The following DAB1 variants were observed in gnomAD, a reference collection of about 807,000 sequenced individuals.
The protein encoded by DAB1 is DAB adaptor protein 1.
In DAB1, 15 loss-of-function variants were observed where a neutral mutation model predicts 64.6. The ratio of observed to expected loss-of-function variants is 0.23; its 90% confidence interval spans 0.16 to 0.36. The LOEUF (loss-of-function observed/expected upper bound fraction) is 0.36, where lower values mean the gene tolerates loss of function less well. DAB1 is among the 10% of genes least tolerant of loss of function. The pLI is 1.00. For missense variants in DAB1, 596 were observed against 706.7 expected (o/e 0.84, Z 1.78); for synonymous variants, 235 against 251.9 (o/e 0.93, Z 0.64).
At chr1:57,672,452 A>G (rs1187627135) in intron 6 of DAB1, among the ~76,000 whole-genome samples, 1 of 152,138 alleles carries the variant, frequency 6.6e-6, no homozygotes, top group East Asian at 1.9e-4. Flanking sequence ...CCAAGACTAC[A>G]CAATTTAAAC....
chr1:57,437,349 A>G (rs1258857575), intron 7 of DAB1, among the ~76,000 whole-genome samples: 4 of 152,192 alleles, frequency 2.6e-5, no homozygotes, highest in African/African-American at 9.7e-5. Flanking sequence ...AAACCTCACA[A>G]GGGAAAAGTC....
intron 3 of DAB1, among the ~76,000 whole-genome samples, chr1:58,362,408 T>C (rs577714479): frequency 1.3e-5 from 2 of 152,312 alleles, no homozygotes; most frequent in South Asian, 2.1e-4. Context: ...CTGACCTACA[T>C]TGAGAGCAAA....
chr1:58,166,076 T>C (rs55633834), intron 4 of DAB1, among the ~76,000 whole-genome samples: 2,092 of 152,290 alleles, frequency 0.014, 16 homozygotes, highest in Middle Eastern at 0.024. Flanking sequence ...TGCCTCTCTG[T>C]ACTTAAAGAG....
chr1:58,160,642 T>C (rs1245180990), intron 4 of DAB1, among the ~76,000 whole-genome samples: 1 of 152,188 alleles, frequency 6.6e-6, no homozygotes, highest in East Asian at 1.9e-4. Flanking sequence ...ACAATCCAAG[T>C]ACAGCATTTG....
intron 3 of DAB1, among the ~76,000 whole-genome samples, chr1:58,372,965 A>T (rs1373926307): frequency 6.6e-6 from 1 of 152,132 alleles, no homozygotes; most frequent in Non-Finnish European, 1.5e-5. Flanking sequence ...GTGAAAATGG[A>T]CTAATATACA....
chr1:57,185,891 C>T (rs1273080504), intron 2 of DAB1, among the ~76,000 whole-genome samples: 1 of 152,124 alleles, frequency 6.6e-6, no homozygotes, highest in African/African-American at 2.4e-5. Flanking sequence ...AACTCCCTCC[C>T]CGAGTACGAG....
chr1:58,019,718 C>A (rs1472864633), intron 5 of DAB1, among the ~76,000 whole-genome samples: 1 of 152,124 alleles, frequency 6.6e-6, no homozygotes, highest in East Asian at 1.9e-4. Context: ...ATTTTTCTTA[C>A]TATATTACTT....
chr1:57,103,315 A>G (rs1052745655), intron 4 of DAB1, among the ~76,000 whole-genome samples: 1 of 152,168 alleles, frequency 6.6e-6, no homozygotes, highest in Non-Finnish European at 1.5e-5. Context: ...CTCAGGTGCC[A>G]ACACCGGACA....
chr1:58,034,037 G>A (rs568704256), intron 5 of DAB1, among the ~76,000 whole-genome samples: 1 of 152,172 alleles, frequency 6.6e-6, no homozygotes, highest in Non-Finnish European at 1.5e-5. Flanking sequence ...GCCTACCCTT[G>A]ATTGTAGTGA....
chr1:57,227,667 C>G (rs907826000), intron 2 of DAB1, among the ~76,000 whole-genome samples: 1 of 152,024 alleles, frequency 6.6e-6, no homozygotes, highest in African/African-American at 2.4e-5. Context: ...AGCGAGCCTT[C>G]CACTTCAGCG....
intron 7 of DAB1, among the ~76,000 whole-genome samples, chr1:57,571,827 G>A (rs1468959863): frequency 2.0e-5 from 3 of 152,188 alleles, no homozygotes; most frequent in Non-Finnish European, 2.9e-5. Flanking sequence ...CCCCAGGTCT[G>A]GTTACGGAGC....
intron 8 of DAB1, among the ~76,000 whole-genome samples, chr1:57,066,979 C>T (rs2100581725): frequency 6.6e-6 from 1 of 151,748 alleles, no homozygotes; most frequent in Non-Finnish European, 1.5e-5. Context: ...CACTGCAATT[C>T]AGGAGAAATA....
intron 5 of DAB1, among the ~76,000 whole-genome samples, chr1:58,114,494 A>G (rs1570368815): frequency 6.6e-6 from 1 of 152,202 alleles, no homozygotes; most frequent in African/African-American, 2.4e-5. Flanking sequence ...CATCCCTAAC[A>G]TGGAGATGGA....
At chr1:57,921,974 T>G (rs1309734689) in intron 5 of DAB1, among the ~76,000 whole-genome samples, 4 of 152,206 alleles carry the variant, frequency 2.6e-5, no homozygotes, top group Non-Finnish European at 5.9e-5. Flanking sequence ...TCGTATTCAC[T>G]CTTTCCTCAG....
At chr1:58,005,487 C>T (rs1322690195) in intron 5 of DAB1, among the ~76,000 whole-genome samples, 1 of 151,768 alleles carries the variant, frequency 6.6e-6, no homozygotes, top group African/African-American at 2.4e-5. Context: ...ACAACTGCAA[C>T]TTTAAGGGAA....
chr1:57,489,026 A>C (rs1236780796), intron 7 of DAB1, among the ~76,000 whole-genome samples: 1 of 152,226 alleles, frequency 6.6e-6, no homozygotes, highest in Non-Finnish European at 1.5e-5. Flanking sequence ...CCACATGCTA[A>C]TCCCAGCTCT....
intron 3 of DAB1, among the ~76,000 whole-genome samples, chr1:58,466,621 G>A (rs1038518574): frequency 6.6e-6 from 1 of 152,142 alleles, no homozygotes; most frequent in Admixed American, 6.5e-5. Context: ...GCCTCAGAGA[G>A]GCTGCCGTTT....
chr1:57,387,476 A>G (rs1199946084), intron 1 of DAB1: 1 of 124,482 alleles, frequency 8.0e-6, no homozygotes, highest in Non-Finnish European at 1.8e-5. Context: ...ATATATGTGT[A>G]TATGTACACA....
At chr1:58,383,081 TAGTATTTTCACTATACATAA>T (rs994985178) in intron 3 of DAB1, among the ~76,000 whole-genome samples, 21 of 152,098 alleles carry the variant, frequency 1.4e-4, no homozygotes, top group Non-Finnish European at 2.5e-4. Context: ...AATGAGCCAG[TAGTATTTTCACTATACATAA>T]AGTATTTTCA....
Sources: allele counts gnomAD v4.1 joint callset (sites outside exome capture counted in the v4.1 genomes callset), GRCh38; gene constraint gnomAD v4.1.1; transcripts MANE v1.5; gene names NCBI Gene and HGNC (gene_info 2026-07-23, HGNC 2026-07-21).